The following SLC16A10 variants were observed in gnomAD, a reference collection of about 807,000 sequenced individuals.
SLC16A10 encodes the protein solute carrier family 16 member 10, also known as monocarboxylate transporter 10.
SLC16A10 carries 27 observed loss-of-function variants against 40.0 expected under a neutral mutation model. The ratio of observed to expected loss-of-function variants is 0.67; its 90% CI spans 0.50 to 0.93. The LOEUF is 0.93. SLC16A10 is among the 40% of genes least tolerant of loss of function. SLC16A10 has a pLI of 0.00. For synonymous variants in SLC16A10, 213 were observed against 249.8 expected (o/e 0.85, Z 1.39); for missense variants, 529 against 658.2 (o/e 0.80, Z 2.15).
At chr6:111,135,482 C>G (rs1346639319) in intron 1 of SLC16A10, among the ~76,000 whole-genome samples, 1 of 152,192 alleles carries the variant, frequency 6.6e-6, no homozygotes, top group African/African-American at 2.4e-5. Flanking sequence ...GCCATTGTCC[C>G]TCTATACCCA....
At chr6:111,125,677 A>G (rs1193985115) in intron 1 of SLC16A10, among the ~76,000 whole-genome samples, 1 of 152,208 alleles carries the variant, frequency 6.6e-6, no homozygotes, top group African/African-American at 2.4e-5. Context: ...TTATATTTAT[A>G]CTGTATGTTT....
chr6:111,157,911 A>T (rs1349828175), intron 1 of SLC16A10, among the ~76,000 whole-genome samples: 2 of 151,602 alleles, frequency 1.3e-5, no homozygotes, highest in Admixed American at 1.3e-4. Flanking sequence ...CGACTAAAAA[A>T]AAAAAAAAGA....
At chr6:111,104,939 C>G (rs1372910433) in intron 1 of SLC16A10, among the ~76,000 whole-genome samples, 1 of 151,408 alleles carries the variant, frequency 6.6e-6, no homozygotes, top group East Asian at 1.9e-4. Flanking sequence ...AAATGTCTTT[C>G]TAGCCTTTGG....
At chr6:111,131,283 T>G (rs1258922901) in intron 1 of SLC16A10, among the ~76,000 whole-genome samples, 2 of 152,236 alleles carry the variant, frequency 1.3e-5, no homozygotes, top group Non-Finnish European at 2.9e-5. Context: ...CCATTGTTCC[T>G]GCACGGGCTA....
chr6:111,205,987 A>G (rs542114424), intron 3 of SLC16A10, among the ~76,000 whole-genome samples: 1 of 152,316 alleles, frequency 6.6e-6, no homozygotes, highest in African/African-American at 2.4e-5. Context: ...GTATGTTCAA[A>G]TGTCTGTTCT....
Position 111,087,592 on chromosome 6 carries a change from G to GCTGGCCGCCTGCGCGCTGC in SLC16A10, c.-159_-141dup. ...CAGCTGTCCTCGCGGCCGCCTGCGC[G>GCTGGCCGCCTGCGCGCTGC]CTGGCCGCCTGCGCGCTGCCAGCCC... On this transcript the variant is annotated 5_prime_UTR_variant, in exon 1 of 6. Coordinates refer to ENST00000368851, the MANE Select transcript of SLC16A10 (RefSeq NM_018593.5). 1 of 286,254 alleles carries GCTGGCCGCCTGCGCGCTGC rather than the reference G, an allele frequency of 3.5e-6. No homozygotes were observed. Among genetic ancestry groups the GCTGGCCGCCTGCGCGCTGC allele is most frequent in the Non-Finnish European group, 6.2e-6 (1 of 161,898 alleles). The allele number at this position is 286,254 out of a possible 1,614,324, so 17.7% of individuals were successfully genotyped here.
chr6:111,139,456 C>A (rs1771941964), intron 1 of SLC16A10, among the ~76,000 whole-genome samples: 1 of 152,106 alleles, frequency 6.6e-6, no homozygotes, highest in Non-Finnish European at 1.5e-5. Context: ...CGCGTGCCAC[C>A]ACATCCAGCT....
chr6:111,118,973 A>C (rs1318925401), intron 1 of SLC16A10, among the ~76,000 whole-genome samples: 1 of 152,230 alleles, frequency 6.6e-6, no homozygotes, highest in Non-Finnish European at 1.5e-5. Flanking sequence ...GGAAGGTGTC[A>C]TGCTGAAGAA....
At chr6:111,204,823 G>T (rs1328819914) in intron 3 of SLC16A10, among the ~76,000 whole-genome samples, 1 of 152,136 alleles carries the variant, frequency 6.6e-6, no homozygotes, top group Non-Finnish European at 1.5e-5. Context: ...TGGCAACATT[G>T]GTAGACCTAT....
At chr6:111,113,271 T>C (rs949380312) in intron 1 of SLC16A10, among the ~76,000 whole-genome samples, 4 of 152,154 alleles carry the variant, frequency 2.6e-5, no homozygotes, top group Non-Finnish European at 4.4e-5. Context: ...ACTACACATA[T>C]AAGAATTAGT....
intron 1 of SLC16A10, among the ~76,000 whole-genome samples, chr6:111,137,993 G>C (rs569510155): frequency 6.6e-6 from 1 of 152,348 alleles, no homozygotes; most frequent in African/African-American, 2.4e-5. Context: ...AGGCGTTCTA[G>C]CCGGCAACGG....
chr6:111,124,543 T>G (rs1436678196), intron 1 of SLC16A10, among the ~76,000 whole-genome samples: 1 of 152,044 alleles, frequency 6.6e-6, no homozygotes, highest in Non-Finnish European at 1.5e-5. Context: ...TTGTATTTTT[T>G]GCAGAGATGA....
At chr6:111,099,109 G>A (rs1023958373) in intron 1 of SLC16A10, among the ~76,000 whole-genome samples, 1 of 152,176 alleles carries the variant, frequency 6.6e-6, no homozygotes, top group African/African-American at 2.4e-5. Context: ...AATATCAGAT[G>A]CACAATGTTA....
At chr6:111,198,987 C>T (rs756803196) in intron 3 of SLC16A10, among the ~76,000 whole-genome samples, 10 of 152,196 alleles carry the variant, frequency 6.6e-5, no homozygotes, top group South Asian at 2.1e-4. Flanking sequence ...ACCAAAGTAT[C>T]GGAGTCAGTC....
intron 4 of SLC16A10, among the ~76,000 whole-genome samples, chr6:111,212,863 G>A (rs972345880): frequency 2.0e-5 from 3 of 151,908 alleles, no homozygotes; most frequent in African/African-American, 7.2e-5. Flanking sequence ...TGACTGAAGT[G>A]CATTACGTAG....
At chr6:111,186,846 A>G (rs1271999190) in intron 3 of SLC16A10, among the ~76,000 whole-genome samples, 1 of 152,116 alleles carries the variant, frequency 6.6e-6, no homozygotes, top group Non-Finnish European at 1.5e-5. Flanking sequence ...CTTACTTGTA[A>G]TTAGAAAGTT....
At chr6:111,186,301 C>G (rs1426521177) in intron 3 of SLC16A10, among the ~76,000 whole-genome samples, 1 of 152,202 alleles carries the variant, frequency 6.6e-6, no homozygotes, top group Non-Finnish European at 1.5e-5. Context: ...CTAATATGGA[C>G]ATTGGCATGT....
chr6:111,126,958 G>A (rs940494362), intron 1 of SLC16A10, among the ~76,000 whole-genome samples: 4 of 152,178 alleles, frequency 2.6e-5, no homozygotes, highest in African/African-American at 4.8e-5. Context: ...TAAAAGTAAC[G>A]GCAAAAACCG....
chr6:111,203,502 C>G (rs1224362850), intron 3 of SLC16A10, among the ~76,000 whole-genome samples: 2 of 151,864 alleles, frequency 1.3e-5, no homozygotes, highest in Non-Finnish European at 2.9e-5. Context: ...AGGCAGATCA[C>G]TTGAGGTCAG....
Sources: gnomAD v4.1 joint callset for allele counts (sites outside exome capture counted in the v4.1 genomes callset) on GRCh38, gnomAD v4.1.1 for gene constraint, MANE v1.5 for transcripts, NCBI Gene and HGNC (gene_info 2026-07-23, HGNC 2026-07-21) for gene names.